ANK3: variants seen among roughly 807,000 people sequenced by gnomAD.
ANK3 encodes the protein ankyrin-3.
Under a neutral mutation model 370.9 loss-of-function variants are expected in ANK3, and 57 were observed. The observed-to-expected ratio is 0.15, with a 90% confidence interval of 0.12 to 0.19. ANK3 has a LOEUF of 0.19. Ranked by LOEUF, ANK3 falls within the 10% of genes least tolerant of loss-of-function variation. The pLI is 1.00. For missense variants in ANK3, 4,439 were observed against 5,302.1 expected (o/e 0.84, Z 5.06); for synonymous variants, 1,929 against 1,946.3 (o/e 0.99, Z 0.23).
chr10:60,186,798 C>A lies in ANK3; in HGVS notation c.2002G>T (p.Val668Phe), dbSNP rs567422197. ...TGCCCTTCCTGAGCTGCGAGATGGA[C>A]GGAAGCAATTCCTTGCCGGGTAACT... ...NAVTRQGIASVHLAAQEGHVD... is the reference protein window; with the variant it reads ...NAVTRQGIASFHLAAQEGHVD... The change falls in exon 17 of 44, where the codon GTC becomes TTC. Residue 668 changes from valine (V) to phenylalanine (F), a missense_variant. By Grantham distance (50) the Val-to-Phe change is conservative. Around this residue, in one of 13 missense-constraint regions of ANK3, gnomAD observed 192 missense variants for 192.1 expected, o/e 1.00. Transcript: ENST00000280772. 1 of 1,614,134 alleles carries A rather than the reference C, an allele frequency of 6.2e-7. No homozygotes were observed. The highest frequency in any genetic ancestry group is 1.7e-5 in the Admixed American group (1 of 60,020).
rs770151106 is a variant in ANK3, at chr10:60,172,904, G to T, written c.2378C>A (p.Thr793Asn). 6.2e-7 allele frequency: 1 copy of T among 1,611,982 alleles called. No homozygotes were observed. Among genetic ancestry groups the T allele is most frequent in the Admixed American group, 1.7e-5 (1 of 59,976 alleles). The change falls in exon 20 of 44, where the codon ACT (threonine) becomes AAT (asparagine). Residue 793 changes from threonine (T) to asparagine (N), a missense_variant. By Grantham distance (65) the Thr-to-Asn change is moderately conservative. Coordinates refer to ENST00000280772, the MANE Select transcript of ANK3 (RefSeq NM_020987.5). ...GAGCTGGCCCTGAGCGCTTACCACA[G>T]TGAGTTCATTGGGGGAGGCGTTGTT... is the stretch of plus-strand genomic sequence containing the variant. ...LQNNASPNEL[T>N]VNGNTALGIA...
chr10:60,382,398 C>T (rs748694422), intron 1 of ANK3, among the ~76,000 whole-genome samples: 2 of 152,064 alleles, frequency 1.3e-5, no homozygotes, highest in Non-Finnish European at 2.9e-5. Flanking sequence ...GGATATGATC[C>T]TAATTAATCA....
In ANK3 at chr10:60,378,795, A is replaced by G. The variant is rs1478133172; in HGVS notation, c.114+10630T>C. Among the ~76,000 whole-genome samples, 3 of 152,136 alleles carry G rather than the reference A, an allele frequency of 2.0e-5. No homozygotes were observed. In the East Asian group the frequency reaches 5.8e-4, roughly 29 times the overall value. ...TACTGTAGGACATTGGTTTGAGAAA[A>G]TATTTTATGACTAAGTTCTCAAAAG... On this transcript the variant is annotated intron_variant, in intron 1 of 43. Transcript: ENST00000280772.
chr10:60,142,947 A>T (rs977976561), intron 23 of ANK3, among the ~76,000 whole-genome samples: 19 of 152,084 alleles, frequency 1.2e-4, no homozygotes, highest in African/African-American at 4.6e-4. Context: ...CATAGTTCCA[A>T]CCTCTATAAA....
intron 21 of ANK3, among the ~76,000 whole-genome samples, chr10:60,169,377 T>TG (rs1565439437): frequency 1.3e-5 from 2 of 150,602 alleles, no homozygotes; most frequent in Non-Finnish European, 3.0e-5. Context: ...TTTTTTTTTT[T>TG]TTTTTTTTTT....
intron 2 of ANK3, among the ~76,000 whole-genome samples, chr10:60,535,606 T>C (rs1258872713): frequency 6.6e-6 from 1 of 152,100 alleles, no homozygotes; most frequent in Non-Finnish European, 1.5e-5. Flanking sequence ...TTGTTACTGA[T>C]CTTACCTCAG....
chr10:60,084,554 A>T, intron 32 of ANK3, 48 bp downstream of exon 32: 1 of 1,467,568 alleles, frequency 6.8e-7, no homozygotes, highest in East Asian at 2.3e-5. Flanking sequence ...ATAAAACCTC[A>T]TATCTGGAGT....
At chr10:60,424,732 T>C (rs2063845083) in intron 2 of ANK3, among the ~76,000 whole-genome samples, 1 of 152,088 alleles carries the variant, frequency 6.6e-6, no homozygotes, top group African/African-American at 2.4e-5. Context: ...AAAATGATTT[T>C]TATCACATGA....
intron 16 of ANK3, among the ~76,000 whole-genome samples, chr10:60,189,275 T>C (rs1173604425): frequency 6.6e-6 from 1 of 152,180 alleles, no homozygotes; most frequent in East Asian, 1.9e-4. Flanking sequence ...GGAGGATCAC[T>C]TGAGCTCAGG....
At chr10:60,203,608 A>T (rs1362255144) in intron 11 of ANK3, among the ~76,000 whole-genome samples, 1 of 152,248 alleles carries the variant, frequency 6.6e-6, no homozygotes, top group Non-Finnish European at 1.5e-5. Context: ...TGAACAAATC[A>T]GCATTAATAG....
At chr10:60,338,998 G>A (rs936026088) in intron 1 of ANK3, among the ~76,000 whole-genome samples, 4 of 146,100 alleles carry the variant, frequency 2.7e-5, no homozygotes, top group African/African-American at 9.8e-5. Flanking sequence ...TGTTTGGTGG[G>A]TTTCCAAAGA....
chr10:60,497,376 T>C (rs758488012), intron 2 of ANK3, among the ~76,000 whole-genome samples: 4 of 152,226 alleles, frequency 2.6e-5, no homozygotes, highest in Non-Finnish European at 5.9e-5. Context: ...ATAATTGTAG[T>C]TGTTCTGGTA....
At chr10:60,104,400 A>T (rs1482153557) in intron 28 of ANK3, among the ~76,000 whole-genome samples, 5 of 123,848 alleles carry the variant, frequency 4.0e-5, no homozygotes. Context: ...AAAGAAACAA[A>T]GAAAGAAAGA....
intron 2 of ANK3, among the ~76,000 whole-genome samples, chr10:60,395,568 C>CTTTCTTTTCTTTCTTTCTTTCT (rs774901441): frequency 1.7e-5 from 2 of 116,684 alleles, no homozygotes; most frequent in African/African-American, 7.5e-5. Flanking sequence ...TTCTTTCTTT[C>CTTTCTTTTCTTTCTTTCTTTCT]TTTCTTTCTT....
At chr10:60,167,047 C>A (rs1442685432) in intron 21 of ANK3, 151 bp from the exon 22 acceptor site, 7 of 697,934 alleles carry the variant, frequency 1.0e-5, no homozygotes, top group Non-Finnish European at 1.7e-5. Context: ...AAATTGTTGT[C>A]CCTTAGTGTC....
chr10:60,202,250 T>A (rs1375603459), intron 12 of ANK3, among the ~76,000 whole-genome samples: 3 of 151,722 alleles, frequency 2.0e-5, no homozygotes, highest in Non-Finnish European at 4.4e-5. Flanking sequence ...GCCTCCCAAG[T>A]TGCTAGGATT....
chr10:60,505,237 T>C (rs2075905530), intron 2 of ANK3, among the ~76,000 whole-genome samples: 1 of 152,058 alleles, frequency 6.6e-6, no homozygotes, highest in South Asian at 2.1e-4. Context: ...GAATTCCAAA[T>C]ATATAAAACT....
chr10:60,326,564 C>T (rs554359453), intron 1 of ANK3, among the ~76,000 whole-genome samples: 65 of 152,228 alleles, frequency 4.3e-4, no homozygotes, highest in African/African-American at 1.5e-3. Flanking sequence ...TCCTCTCCCT[C>T]CTTTCAGTCA....
At chr10:60,664,863 G>T (rs1163412918) in intron 1 of ANK3, among the ~76,000 whole-genome samples, 1 of 152,210 alleles carries the variant, frequency 6.6e-6, no homozygotes, top group Non-Finnish European at 1.5e-5. Context: ...CGATTAAGAA[G>T]AATGTAAGAG....
Sources: gnomAD v4.1 joint callset for allele counts (sites outside exome capture counted in the v4.1 genomes callset) on GRCh38, gnomAD v4.1.1 for gene constraint, gnomAD v4.1.1 regional missense constraint, MANE v1.5 for transcripts, NCBI Gene and HGNC (gene_info 2026-07-23, HGNC 2026-07-21) for gene names.